TNFRSF10D: variants seen among roughly 807,000 people sequenced by gnomAD.
TNFRSF10D encodes tumor necrosis factor receptor superfamily member 10D.
Under a neutral mutation model 42.1 loss-of-function variants are expected in TNFRSF10D, and 28 were observed. That is an observed-to-expected ratio of 0.66 (90% CI 0.49 to 0.91). The LOEUF is 0.91. TNFRSF10D is among the 40% of genes least tolerant of loss of function. TNFRSF10D has a pLI of 0.00. For missense variants in TNFRSF10D, 503 were observed against 486.1 expected, an observed-to-expected ratio of 1.03 and a Z score of -0.33; for synonymous variants, 186 against 189.4, an observed-to-expected ratio of 0.98 and a Z score of 0.15.
Position 23,136,092 on chromosome 8 carries a change from G to A in TNFRSF10D, c.*1778C>T, listed in dbSNP as rs1266754003. 11 of 351,276 alleles carry A rather than the reference G, an allele frequency of 3.1e-5. No homozygotes were observed. The highest frequency in any genetic ancestry group is 9.3e-5 in the South Asian group (4 of 43,044). 21.8% of individuals were successfully genotyped at this position (351,276 alleles called of 1,614,324 possible). A position where few individuals can be genotyped will look rare whatever the true frequency, so the allele number is the denominator to read the frequency against. ...ACTTTGTCCCAGCCAAACCAGTCCC[G>A]GAACAAAACACACAATGCCTTGAGA... On this transcript the variant is annotated 3_prime_UTR_variant, in exon 9 of 9. Coordinates refer to ENST00000312584, the MANE Select transcript of TNFRSF10D (RefSeq NM_003840.5).
At chr8:23,152,766 T>A (rs1412442245) in intron 2 of TNFRSF10D, among the ~76,000 whole-genome samples, 3 of 152,198 alleles carry the variant, frequency 2.0e-5, no homozygotes, top group Non-Finnish European at 1.5e-5. Context: ...ATTAGAAAAC[T>A]CAATATTGCT....
chr8:23,137,714 G>A lies in TNFRSF10D; in HGVS notation c.*156C>T, dbSNP rs141946377. 9.7e-6 allele frequency: 9 copies of A among 928,380 alleles called. No individual in the cohort carries two copies. Among genetic ancestry groups the A allele is most frequent in the South Asian group, 2.1e-5 (1 of 46,812 alleles). The allele number at this position is 928,380 out of a possible 1,614,324, so 57.5% of individuals were successfully genotyped here. A position where few individuals can be genotyped will look rare whatever the true frequency, so the allele number is the denominator to read the frequency against. ...ATTTCATAAAAATTACTCCAAGTGC[G>A]TTAACAAAGTTCTAGGACCATTGGT... On this transcript the variant is annotated 3_prime_UTR_variant, in exon 9 of 9. Coordinates refer to ENST00000312584, the MANE Select transcript of TNFRSF10D (RefSeq NM_003840.5).
rs887900004 is a variant in TNFRSF10D, at chr8:23,137,181, C to G, written c.*689G>C. On this transcript the variant is annotated 3_prime_UTR_variant, in exon 9 of 9. Transcript: ENST00000312584. ...AATAATCCTATCTTAAAGCTCAAAA[C>G]TCTAAGTCGAACCCTCGTAAGTCCA... 2.0e-5 allele frequency: 3 copies of G among 152,214 alleles called. No homozygotes were observed. Among genetic ancestry groups the G allele is most frequent in the Non-Finnish European group, 4.4e-5 (3 of 68,052 alleles). 9.4% of individuals were successfully genotyped at this position (152,214 alleles called of 1,614,324 possible). A position where few individuals can be genotyped will look rare whatever the true frequency, so the allele number is the denominator to read the frequency against.
chr8:23,150,509 A>T (rs114641150), intron 2 of TNFRSF10D, among the ~76,000 whole-genome samples: 862 of 152,204 alleles, frequency 5.7e-3, no homozygotes, highest in African/African-American at 0.018. Context: ...ATCAGGGAAC[A>T]GTGACGGCAC....
chr8:23,141,102 C>T (rs1260537974), intron 7 of TNFRSF10D, among the ~76,000 whole-genome samples: 3 of 152,146 alleles, frequency 2.0e-5, no homozygotes, highest in Admixed American at 6.6e-5. Context: ...CCCCTCTGGA[C>T]ATCAGCCATG....
At chr8:23,138,852 T>C (rs1300502753) in intron 7 of TNFRSF10D, among the ~76,000 whole-genome samples, 1 of 152,224 alleles carries the variant, frequency 6.6e-6, no homozygotes, top group African/African-American at 2.4e-5. Flanking sequence ...TTCTTGATGA[T>C]GAGAATTTCT....
At chr8:23,155,147 A>AG (rs1474485019) in intron 1 of TNFRSF10D, among the ~76,000 whole-genome samples, 168 bp from the exon 2 acceptor site, 107 of 151,002 alleles carry the variant, frequency 7.1e-4, no homozygotes, top group African/African-American at 2.3e-3. Context: ...CTGGCCTGTT[A>AG]GGTAGCTATT....
chr8:23,137,892 C>A lies in TNFRSF10D; in HGVS notation c.1139G>T (p.Gly380Val), dbSNP rs768663219. The A allele has an allele frequency of 6.2e-7, 1 of 1,613,858 alleles. No individual in the cohort carries two copies. The highest frequency in any genetic ancestry group is 8.5e-7 in the Non-Finnish European group (1 of 1,179,962). The change falls in exon 9 of 9, where the codon GGC (glycine) becomes GTC (valine). Residue 380 changes from glycine (G) to valine (V), a missense_variant. By Grantham distance (109) the Gly-to-Val change is moderately radical (BLOSUM62 -3). Coordinates refer to ENST00000312584, the MANE Select transcript of TNFRSF10D (RefSeq NM_003840.5). ...EKLFYEEDEA[G>V]SATSCL ...CTTTCACAGGCAGGACGTAGCAGAGCCTGCCTCATCTTCTTCATAAAAGAG... is the reference window on the plus strand; with the variant it reads ...CTTTCACAGGCAGGACGTAGCAGAGACTGCCTCATCTTCTTCATAAAAGAG...
chr8:23,145,120 G>A lies in TNFRSF10D; in HGVS notation c.737-31C>T, dbSNP rs1181555624. 22 of 1,613,518 alleles carry A rather than the reference G, an allele frequency of 1.4e-5. 1 individual carries two copies. The highest frequency in any genetic ancestry group is 1.9e-5 in the Non-Finnish European group (22 of 1,179,896). ...AAAGAAGCAGTCTCCTGAGCAGGCG[G>A]GGAGGGGCCCATGCAGCACCTCCCT... On this transcript the variant is annotated intron_variant, in intron 5 of 8. Coordinates refer to ENST00000312584, the MANE Select transcript of TNFRSF10D (RefSeq NM_003840.5).
At chr8:23,163,434 A>AACGAACGG (rs1259260211) in intron 1 of TNFRSF10D, among the ~76,000 whole-genome samples, 1 of 150,162 alleles carries the variant, frequency 6.7e-6, no homozygotes, top group African/African-American at 2.5e-5. Context: ...CGAACGAACG[A>AACGAACGG]ACGAACGAAA....
chr8:23,138,337 G>A, intron 7 of TNFRSF10D, 77 bp from the exon 8 acceptor site: 1 of 1,502,368 alleles, frequency 6.7e-7, no homozygotes, highest in African/African-American at 1.4e-5. Context: ...CCACTAGCCA[G>A]CAAGAGACCT....
Position 23,135,661 on chromosome 8 carries a change from G to A in TNFRSF10D, c.*2209C>T, listed in dbSNP as rs374300050. On this transcript the variant is annotated 3_prime_UTR_variant, in exon 9 of 9. Coordinates refer to ENST00000312584, the MANE Select transcript of TNFRSF10D (RefSeq NM_003840.5). ...TTTCATATATAACCAGGTGTTATGT[G>A]CTATTTGGCCCGGGTATAAAGCAAA... is the stretch of plus-strand genomic sequence containing the variant. 1,204 of 274,726 alleles carry A rather than the reference G, an allele frequency of 4.4e-3. No homozygotes were observed. Among genetic ancestry groups the A allele is most frequent in the African/African-American group, 0.017 (751 of 44,966 alleles). 17.0% of individuals were successfully genotyped at this position (274,726 alleles called of 1,614,324 possible).
intron 1 of TNFRSF10D, among the ~76,000 whole-genome samples, chr8:23,162,529 G>T (rs934315957): frequency 2.6e-5 from 4 of 151,840 alleles, no homozygotes; most frequent in African/African-American, 9.7e-5. Context: ...TTGGTATTAC[G>T]TAAGAAACCT....
intron 2 of TNFRSF10D, among the ~76,000 whole-genome samples, chr8:23,149,266 T>C (rs941262453): frequency 6.6e-6 from 1 of 151,726 alleles, no homozygotes; most frequent in African/African-American, 2.4e-5. Context: ...AGACAGAGTT[T>C]CACTCTTGTC....
Position 23,145,880 on chromosome 8 carries a change from C to A in TNFRSF10D, c.524G>T (p.Arg175Leu). 2 of 1,614,124 alleles carry A rather than the reference C, an allele frequency of 1.2e-6. No individual in the cohort carries two copies. The highest frequency in any genetic ancestry group is 2.2e-5 in the South Asian group (2 of 91,078). The change falls in exon 5 of 9, where the codon CGG (arginine) becomes CTG (leucine). Residue 175 changes from arginine (R) to leucine (L), a missense_variant. Arg to Leu is a moderately radical substitution (Grantham distance 102). Transcript: ENST00000312584. ...TTCATTTTTGCACTTGATGTCACTCCGGGGCGTACAATTACTGACCTTGAC... is the reference window on the plus strand; with the variant it reads ...TTCATTTTTGCACTTGATGTCACTCAGGGGCGTACAATTACTGACCTTGAC... Reference protein sequence around the residue: ...GMVKVSNCTPRSDIKCKNESA... With the variant: ...GMVKVSNCTPLSDIKCKNESA...
intron 1 of TNFRSF10D, among the ~76,000 whole-genome samples, chr8:23,155,617 G>A (rs536389086): frequency 6.6e-6 from 1 of 151,886 alleles, no homozygotes; most frequent in South Asian, 2.1e-4. Flanking sequence ...TACTTGGGAG[G>A]CTGAGGCAGG....
In TNFRSF10D at chr8:23,136,136, C is replaced by T. The variant is rs1245516016; in HGVS notation, c.*1734G>A. ...CTTGAGATGGAAAAGACTGAAACCC[C>T]TAGAATGACTATATCCGTAATTTAT... On this transcript the variant is annotated 3_prime_UTR_variant, in exon 9 of 9. Transcript: ENST00000312584. 2 of 306,142 alleles carry T rather than the reference C, an allele frequency of 6.5e-6. No homozygotes were observed. Among genetic ancestry groups the T allele is most frequent in the Non-Finnish European group, 1.3e-5 (2 of 154,166 alleles). The allele number at this position is 306,142 out of a possible 1,614,324, so 19.0% of individuals were successfully genotyped here.
chr8:23,155,008 A>T, intron 1 of TNFRSF10D, 29 bp from the exon 2 acceptor site: 2 of 1,560,068 alleles, frequency 1.3e-6, no homozygotes, highest in Non-Finnish European at 1.7e-6. Flanking sequence ...GATGGGCTTG[A>T]GTGGCTTCCA....
rs140126446 is a variant in TNFRSF10D at position 23,147,017 on chromosome 8, T to C, written c.426A>G (p.Glu142=). The change falls in exon 4 of 9, where the codon GAA becomes GAG. Residue 142 remains glutamate (E), a synonymous_variant. Coordinates refer to ENST00000312584, the MANE Select transcript of TNFRSF10D (RefSeq NM_003840.5). ...TTTRDTVCQC[E]KGSFQDKNSP... ...AGTTTTTATCCTGGAAGCTTCCTTT[T>C]TCACACTGACACACGGTGTCTCTGG... The C allele has an allele frequency of 7.4e-5, 119 of 1,613,752 alleles. No homozygotes were observed. The Admixed American group carries it at 1.9e-3, about 26-fold the overall frequency.
Sources: allele counts gnomAD v4.1 joint callset (sites outside exome capture counted in the v4.1 genomes callset), GRCh38; gene constraint gnomAD v4.1.1; transcripts MANE v1.5; gene names NCBI Gene and HGNC (gene_info 2026-07-23, HGNC 2026-07-21).